The following DOCK8 variants were observed in gnomAD, a reference collection of about 807,000 sequenced individuals.
The protein encoded by DOCK8 is dedicator of cytokinesis protein 8.
A neutral mutation model predicts 245.6 loss-of-function variants in DOCK8; 141 were observed. The ratio of observed to expected loss-of-function variants is 0.57; its 90% CI spans 0.50 to 0.66. The LOEUF is 0.66. Among genes scored for constraint, DOCK8 ranks in the 30% least tolerant of loss-of-function variants. The pLI is 0.00. For synonymous variants in DOCK8, 1,168 were observed against 970.2 expected (o/e 1.20, Z -3.79); for missense variants, 2,965 against 2,603.4 (o/e 1.14, Z -3.02).
intron 46 of DOCK8, among the ~76,000 whole-genome samples, chr9:457,324 T>C (rs547014225): frequency 6.6e-6 from 1 of 152,310 alleles, no homozygotes; most frequent in African/African-American, 2.4e-5. Context: ...TCCCCAGATG[T>C]AAAATCGGAA....
At chr9:404,865 C>G (rs369075711) in intron 26 of DOCK8, 53 bp from the exon 27 acceptor site, 5 of 1,605,766 alleles carry the variant, frequency 3.1e-6, no homozygotes, top group East Asian at 4.5e-5. Flanking sequence ...CCAACCTCAA[C>G]TCCACTTACC....
intron 4 of DOCK8, among the ~76,000 whole-genome samples, chr9:301,368 C>G (rs1443818779): frequency 6.6e-6 from 1 of 152,158 alleles, no homozygotes; most frequent in Non-Finnish European, 1.5e-5. Context: ...ATCTATTATT[C>G]AACTATCCAC....
chr9:432,403 T>C, intron 37 of DOCK8, 79 bp downstream of exon 37: 1 of 1,300,900 alleles, frequency 7.7e-7, no homozygotes, highest in Non-Finnish European at 1.1e-6. Context: ...TGTACATATA[T>C]ACACAATTTA....
chr9:328,486 C>T (rs2050861497), intron 9 of DOCK8, among the ~76,000 whole-genome samples: 2 of 152,212 alleles, frequency 1.3e-5, no homozygotes, highest in African/African-American at 4.8e-5. Flanking sequence ...ACACTGACCT[C>T]AGTGGATAGT....
intron 1 of DOCK8, among the ~76,000 whole-genome samples, chr9:227,370 G>A (rs1003530339): frequency 9.2e-5 from 14 of 152,142 alleles, no homozygotes; most frequent in African/African-American, 3.4e-4. Flanking sequence ...TGTCCCTCCC[G>A]ATGGGAGGAT....
chr9:445,571 T>C (rs1184312904), intron 43 of DOCK8, among the ~76,000 whole-genome samples: 1 of 152,250 alleles, frequency 6.6e-6, no homozygotes, highest in South Asian at 2.1e-4. Context: ...ACTACCTTCA[T>C]AACCAAGATA....
At chr9:401,105 TCTC>T (rs2055076657) in intron 26 of DOCK8, among the ~76,000 whole-genome samples, 1 of 150,440 alleles carries the variant, frequency 6.6e-6, no homozygotes. Context: ...CATCACCACC[TCTC>T]CCATCACCAC....
intron 12 of DOCK8, among the ~76,000 whole-genome samples, chr9:337,790 A>G (rs189091124): frequency 6.6e-6 from 1 of 152,290 alleles, no homozygotes; most frequent in African/African-American, 2.4e-5. Context: ...TTTTTGCAAG[A>G]CAAAAGCATT....
At chr9:307,338 G>T (rs146344070) in intron 5 of DOCK8, among the ~76,000 whole-genome samples, 21,017 of 50,238 alleles carry the variant, frequency 0.42, 4,505 homozygotes, top group East Asian at 0.61. Flanking sequence ...GGTTTTTTTT[G>T]TTTTTTTTTT....
intron 2 of DOCK8, among the ~76,000 whole-genome samples, chr9:283,045 CTT>C (rs1224005374): frequency 6.6e-6 from 1 of 152,150 alleles, no homozygotes; most frequent in African/African-American, 2.4e-5. Context: ...TCCAAACACA[CTT>C]AATATTGCCT....
chr9:214,624 A>C, upstream of DOCK8: 1 of 1,613,334 alleles, frequency 6.2e-7, no homozygotes, highest in Non-Finnish European at 8.5e-7. Flanking sequence ...GCCTGCGCGC[A>C]GTGGTCGCCT....
intron 1 of DOCK8, chr9:268,270 G>T (rs2048079414): frequency 6.6e-6 from 1 of 152,202 alleles, no homozygotes; most frequent in Admixed American, 6.5e-5. Context: ...CTGTATAATT[G>T]ATTCTGTAGG....
At chr9:340,407 G>A in intron 14 of DOCK8, 86 bp downstream of exon 14, 1 of 1,558,262 alleles carries the variant, frequency 6.4e-7, no homozygotes. Context: ...GATTGCTTGA[G>A]CTCAGGAGTT....
chr9:409,581 C>CT (rs1182648632), intron 28 of DOCK8, among the ~76,000 whole-genome samples: 2 of 151,904 alleles, frequency 1.3e-5, no homozygotes, highest in African/African-American at 4.8e-5. Flanking sequence ...AATCTGGATT[C>CT]TTTTTTTATT....
At position 363,421 on chromosome 9, in the gene DOCK8, G is replaced by A. The variant is rs568549366; in HGVS notation, c.1680-4597G>A. 1.4e-4 allele frequency among the ~76,000 whole-genome samples: 22 copies of A among 152,294 alleles called. No homozygotes were observed. In the South Asian group the frequency reaches 4.3e-3, roughly 30 times the overall value. ...AGCATATGAGCCTGTTTATCCGTTC[G>A]TTAATCATTATTTTTATCTGGCTTG... is the stretch of plus-strand genomic sequence containing the variant. On this transcript the variant is annotated intron_variant, in intron 14 of 47. Coordinates refer to ENST00000432829, the MANE Select transcript of DOCK8 (RefSeq NM_203447.4).
In DOCK8 at chr9:420,897, A is replaced by G. The variant is rs879102562; in HGVS notation, c.4024-52A>G. 1.5e-5 allele frequency: 24 copies of G among 1,609,956 alleles called. No homozygotes were observed. In the East Asian group the frequency reaches 3.1e-4, roughly 21 times the overall value. ...GTGTACTGTTTTGGTAACTCTCCCC[A>G]TCAACGGAGATCTCACCAAAGGACA... On this transcript the variant is annotated intron_variant, in intron 31 of 47. Transcript: ENST00000432829.
At chr9:317,721 G>A (rs1278766222) in intron 7 of DOCK8, among the ~76,000 whole-genome samples, 3 of 152,196 alleles carry the variant, frequency 2.0e-5, no homozygotes, top group Non-Finnish European at 4.4e-5. Context: ...GGCACTCACT[G>A]CTAGCAACAG....
At chr9:275,231 G>T (rs2048297196) in intron 2 of DOCK8, among the ~76,000 whole-genome samples, 2 of 152,188 alleles carry the variant, frequency 1.3e-5, no homozygotes, top group Admixed American at 6.5e-5. Flanking sequence ...TGGCACTATG[G>T]AGACACTGTG....
intron 1 of DOCK8, among the ~76,000 whole-genome samples, chr9:248,486 C>G (rs775386521): frequency 4.2e-5 from 6 of 142,104 alleles, no homozygotes; most frequent in Admixed American, 6.7e-5. Context: ...CCTCTCTCCT[C>G]TCTTTCTTCC....
Sources: allele counts gnomAD v4.1 joint callset (sites outside exome capture counted in the v4.1 genomes callset), GRCh38; gene constraint gnomAD v4.1.1; transcripts MANE v1.5; gene names NCBI Gene and HGNC (gene_info 2026-07-23, HGNC 2026-07-21).